TAB1: variants seen among roughly 807,000 people sequenced by gnomAD.
TAB1 encodes the protein TGF-beta-activated kinase 1 and MAP3K7-binding protein 1.
In TAB1, 30 loss-of-function variants were observed where a neutral mutation model predicts 54.5. The ratio of observed to expected loss-of-function variants is 0.55; its 90% CI spans 0.41 to 0.75. The LOEUF (loss-of-function observed/expected upper bound fraction) is 0.75. Ranked by LOEUF, TAB1 falls within the 30% of genes least tolerant of loss-of-function variation. The pLI is 0.00. For synonymous variants in TAB1, 289 were observed against 286.9 expected, an observed-to-expected ratio of 1.01 and a Z score of -0.07; for missense variants, 609 against 683.2, an observed-to-expected ratio of 0.89 and a Z score of 1.21.
downstream of TAB1, chr22:39,436,419 A>G: frequency 1.5e-6 from 2 of 1,343,470 alleles, no homozygotes; most frequent in Non-Finnish European, 1.1e-6. Flanking sequence ...GTTGCCCAAG[A>G]TCACACAGGA....
At chr22:39,411,916 GCA>G (rs1252087472) in intron 1 of TAB1, among the ~76,000 whole-genome samples, 2 of 152,220 alleles carry the variant, frequency 1.3e-5, no homozygotes, top group African/African-American at 4.8e-5. Flanking sequence ...GACTGTTGAT[GCA>G]CACAGGCTAA....
intron 8 of TAB1, among the ~76,000 whole-genome samples, chr22:39,424,052 G>A (rs1362833000): frequency 6.6e-6 from 1 of 152,080 alleles, no homozygotes; most frequent in Non-Finnish European, 1.5e-5. Context: ...CACTCTGTAT[G>A]CCTGTGCATT....
At chr22:39,425,812 C>T (rs1188837604) in intron 8 of TAB1, among the ~76,000 whole-genome samples, 1 of 151,760 alleles carries the variant, frequency 6.6e-6, no homozygotes, top group Non-Finnish European at 1.5e-5. Flanking sequence ...TCCCAAAGTG[C>T]TGAGATTACA....
rs117142056 is a variant in TAB1 at position 39,422,788 on chromosome 22, A to G, written c.921+817A>G. On this transcript the variant is annotated intron_variant, in intron 8 of 10. Transcript: ENST00000216160. ...CGTGGTAGACACAGGCCCTCAGCCA[A>G]GAGTTGCTTATTTTTCTTATACCTT... is the stretch of plus-strand genomic sequence containing the variant. 1.7e-3 allele frequency among the ~76,000 whole-genome samples: 259 copies of G among 152,224 alleles called. 6 individuals are homozygous for G. In the East Asian group the frequency reaches 0.043, roughly 25 times the overall value.
intron 1 of TAB1, among the ~76,000 whole-genome samples, chr22:39,413,115 C>T (rs1926677826): frequency 6.6e-6 from 1 of 151,966 alleles, no homozygotes; most frequent in African/African-American, 2.4e-5. Context: ...AGGGTTTCAC[C>T]ATGTTAGCCA....
rs1015174006 is a variant in TAB1, at chr22:39,421,307, C to T, written c.777-520C>T. On this transcript the variant is annotated intron_variant, in intron 7 of 10. Coordinates refer to ENST00000216160, the MANE Select transcript of TAB1 (RefSeq NM_006116.3). ...GGACCCTCAGGAAGTTCTTAGACTC[C>T]GCTCTTCTGGATGGTGTTGCCAGCA... Among the ~76,000 whole-genome samples the T allele has an allele frequency of 6.6e-5, 10 of 152,170 alleles. 1 individual carries two copies. The highest frequency in any genetic ancestry group is 2.0e-4 in the Admixed American group (3 of 15,276).
At chr22:39,407,449 G>A (rs1199384325) in intron 1 of TAB1, among the ~76,000 whole-genome samples, 1 of 151,836 alleles carries the variant, frequency 6.6e-6, no homozygotes, top group African/African-American at 2.4e-5. Context: ...GTAATAGAGT[G>A]GGCAGCCTTG....
At chr22:39,435,217 C>T (rs1488553852), downstream of TAB1, among the ~76,000 whole-genome samples, 2 of 152,126 alleles carry the variant, frequency 1.3e-5, no homozygotes, top group East Asian at 1.9e-4. Context: ...TTCTTGTGTT[C>T]CATTTTAGTA....
rs181636029 is a variant in TAB1 at position 39,410,802 on chromosome 22, A to C, written c.34-4204A>C. 3.9e-5 allele frequency among the ~76,000 whole-genome samples: 6 copies of C among 152,374 alleles called. No individual in the cohort carries two copies. In the East Asian group the frequency reaches 1.2e-3, roughly 29 times the overall value. On this transcript the variant is annotated intron_variant, in intron 1 of 10. Coordinates refer to ENST00000216160, the MANE Select transcript of TAB1 (RefSeq NM_006116.3). The stretch of plus-strand genomic sequence containing the variant: ...CCAAATTGATCTGTAGATTTAAAGC[A>C]GTTCCAATAAAAATCCCAACAAGAC...
At chr22:39,434,418 CA>C (rs1927709815), downstream of TAB1, among the ~76,000 whole-genome samples, 1 of 152,258 alleles carries the variant, frequency 6.6e-6, no homozygotes, top group East Asian at 1.9e-4. Flanking sequence ...GGCTGTGGGC[CA>C]AGCTCCTGAA....
chr22:39,403,330 G>A (rs1926225610), intron 1 of TAB1, among the ~76,000 whole-genome samples: 1 of 152,204 alleles, frequency 6.6e-6, no homozygotes, highest in African/African-American at 2.4e-5. Flanking sequence ...TTTGGACAGG[G>A]TGGTAAGGGA....
chr22:39,414,688 T>C, intron 1 of TAB1: 1 of 302,348 alleles, frequency 3.3e-6, no homozygotes, highest in South Asian at 3.7e-5. Flanking sequence ...CAGAGTTTCC[T>C]GCCAAGAGTC....
chr22:39,405,121 T>C (rs938840023), intron 1 of TAB1, among the ~76,000 whole-genome samples: 1 of 152,218 alleles, frequency 6.6e-6, no homozygotes, highest in Non-Finnish European at 1.5e-5. Context: ...GGCCTGAGCT[T>C]GGAACCATTC....
chr22:39,400,764 G>A (rs1283576606), intron 1 of TAB1, among the ~76,000 whole-genome samples: 3 of 152,148 alleles, frequency 2.0e-5, no homozygotes, highest in Non-Finnish European at 4.4e-5. Context: ...CGCCGGGCGC[G>A]GTGGCTCATG....
At chr22:39,429,178 G>A in intron 10 of TAB1, 4 of 985,456 alleles carry the variant, frequency 4.1e-6, no homozygotes, top group Non-Finnish European at 4.8e-6. Flanking sequence ...TGCTGGTGCT[G>A]GGCAGCGCTA....
chr22:39,404,317 C>A (rs948771887), intron 1 of TAB1, among the ~76,000 whole-genome samples: 1 of 152,140 alleles, frequency 6.6e-6, no homozygotes, highest in Non-Finnish European at 1.5e-5. Context: ...GGCATGGTGG[C>A]TCATGCCTGG....
intron 1 of TAB1, among the ~76,000 whole-genome samples, chr22:39,400,472 C>T (rs1569190639): frequency 1.3e-5 from 2 of 152,320 alleles, no homozygotes; most frequent in East Asian, 1.9e-4. Context: ...CTGACTGTGT[C>T]TCCCTCAGCC....
At chr22:39,422,117 G>C (rs1452197155) in intron 8 of TAB1, 146 bp downstream of exon 8, 1 of 861,876 alleles carries the variant, frequency 1.2e-6, no homozygotes, top group Non-Finnish European at 1.7e-6. Flanking sequence ...GAATCCCAGA[G>C]CTCTGAAAAC....
downstream of TAB1, chr22:39,433,672 G>A: frequency 1.0e-6 from 1 of 985,438 alleles, no homozygotes; most frequent in South Asian, 4.7e-5. Flanking sequence ...CAGGAGCGGA[G>A]CTGCAGAGCA....
Sources: allele counts gnomAD v4.1 joint callset (sites outside exome capture counted in the v4.1 genomes callset), GRCh38; gene constraint gnomAD v4.1.1; transcripts MANE v1.5; gene names NCBI Gene and HGNC (gene_info 2026-07-23, HGNC 2026-07-21).